WDFY4: variants seen among roughly 807,000 people sequenced by gnomAD.
WDFY4 encodes the protein WDFY family member 4, also known as WD repeat- and FYVE domain-containing protein 4.
Under a neutral mutation model 351.9 loss-of-function variants are expected in WDFY4, and 169 were observed. That is an observed-to-expected ratio of 0.48 (90% confidence interval 0.42 to 0.55). WDFY4 has a LOEUF of 0.55. Among genes scored for constraint, WDFY4 ranks in the 20% least tolerant of loss-of-function variants. WDFY4 has a pLI of 0.00. For missense variants in WDFY4, 3,803 were observed against 3,935.6 expected (o/e 0.97, Z 0.90); for synonymous variants, 1,622 against 1,574.6 (o/e 1.03, Z -0.71).
rs530076119 is a variant in WDFY4 at position 48,828,581 on chromosome 10, A to G, written c.6222-197A>G. On this transcript the variant is annotated intron_variant, in intron 36 of 61. Transcript: ENST00000325239. ...CTCATAAGGAGAAAGTGTTTCTCCT[A>G]CTATTCAGAATGCCACTCTAAAATA... 2.0e-5 allele frequency among the ~76,000 whole-genome samples: 3 copies of G among 152,330 alleles called. No individual in the cohort carries two copies. The South Asian group carries it at 6.2e-4, about 32-fold the overall frequency.
At chr10:48,777,357 G>A (rs1214528151) in intron 16 of WDFY4, 62 bp from the exon 17 acceptor site, 2 of 1,426,132 alleles carry the variant, frequency 1.4e-6, no homozygotes, top group African/African-American at 1.4e-5. Flanking sequence ...GCCCAGACTA[G>A]CTGTGTCAGT....
At chr10:48,898,913 C>T (rs879497203) in intron 45 of WDFY4, among the ~76,000 whole-genome samples, 2 of 152,138 alleles carry the variant, frequency 1.3e-5, no homozygotes, top group East Asian at 1.9e-4. Flanking sequence ...GGTTTCCTTG[C>T]CCTTCAGTGA....
intron 60 of WDFY4, among the ~76,000 whole-genome samples, chr10:48,979,181 C>G (rs893900633): frequency 6.6e-6 from 1 of 152,176 alleles, no homozygotes; most frequent in African/African-American, 2.4e-5. Flanking sequence ...AATAATATCA[C>G]AAAGATGCAG....
intron 43 of WDFY4, among the ~76,000 whole-genome samples, chr10:48,890,026 T>C: frequency 6.6e-6 from 1 of 152,316 alleles, no homozygotes; most frequent in South Asian, 2.1e-4. Flanking sequence ...GGGGAAATGC[T>C]CACCTCGGTC....
chr10:48,871,469 C>G (rs2069776987), intron 40 of WDFY4, among the ~76,000 whole-genome samples: 1 of 151,612 alleles, frequency 6.6e-6, no homozygotes, highest in Non-Finnish European at 1.5e-5. Context: ...CTGGTGGCCC[C>G]CCCCTTTTTT....
intron 2 of WDFY4, 115 bp from the exon 3 acceptor site, chr10:48,719,896 C>A: frequency 1.1e-6 from 1 of 924,094 alleles, no homozygotes; most frequent in Non-Finnish European, 1.7e-6. Context: ...TTGCATGCAC[C>A]TGGGAAAGGA....
At chr10:48,898,623 G>A (rs1348991131) in intron 45 of WDFY4, among the ~76,000 whole-genome samples, 1 of 152,162 alleles carries the variant, frequency 6.6e-6, no homozygotes, top group Non-Finnish European at 1.5e-5. Flanking sequence ...CCTTTAAGGT[G>A]GGGGAATTCC....
chr10:48,873,888 C>T (rs953301248), intron 41 of WDFY4, among the ~76,000 whole-genome samples, 191 bp downstream of exon 41: 18 of 152,152 alleles, frequency 1.2e-4, no homozygotes, highest in Non-Finnish European at 1.5e-4. Flanking sequence ...CTCCTAGGTA[C>T]ATAGCAGGGA....
chr10:48,811,455 G>A (rs547129540), intron 29 of WDFY4, 84 bp from the exon 30 acceptor site: 49 of 1,231,496 alleles, frequency 4.0e-5, no homozygotes, highest in African/African-American at 3.0e-4. Flanking sequence ...GTGGGTGGCC[G>A]GGTGTTCCTT....
chr10:48,871,781 G>A (rs530483888), intron 40 of WDFY4, among the ~76,000 whole-genome samples: 1 of 152,138 alleles, frequency 6.6e-6, no homozygotes, highest in Non-Finnish European at 1.5e-5. Flanking sequence ...ACATCTTGGA[G>A]TTTCTTATTA....
intron 47 of WDFY4, chr10:48,910,032 A>G: frequency 1.8e-6 from 1 of 560,228 alleles, no homozygotes; most frequent in Non-Finnish European, 3.2e-6. Context: ...AATATTTCCC[A>G]AAGTCATTTT....
At chr10:48,725,793 G>T in intron 5 of WDFY4, 88 bp from the exon 6 acceptor site, 1 of 1,303,396 alleles carries the variant, frequency 7.7e-7, no homozygotes, top group Non-Finnish European at 1.0e-6. Flanking sequence ...ATGCTCATCA[G>T]TGCTCCAGAG....
At chr10:48,708,991 A>C (rs552775319) in intron 1 of WDFY4, among the ~76,000 whole-genome samples, 123 of 146,038 alleles carry the variant, frequency 8.4e-4, no homozygotes, top group East Asian at 1.7e-3. Context: ...AAGTGAAAAA[A>C]AAACAAACAA....
At chr10:48,804,593 A>T in intron 25 of WDFY4, 1 of 272,080 alleles carries the variant, frequency 3.7e-6, no homozygotes, top group Non-Finnish European at 5.6e-6. Context: ...GACAGTTCAA[A>T]GTGAGGAATC....
intron 1 of WDFY4, among the ~76,000 whole-genome samples, chr10:48,695,221 G>A (rs748911442): frequency 6.6e-6 from 1 of 152,204 alleles, no homozygotes; most frequent in Non-Finnish European, 1.5e-5. Context: ...TTTTCTCTGG[G>A]GCAACAGTGC....
chr10:48,781,195 C>CA (rs1170353558), intron 19 of WDFY4, among the ~76,000 whole-genome samples: 1 of 150,044 alleles, frequency 6.7e-6, no homozygotes, highest in African/African-American at 2.5e-5. Context: ...GTTCTGTTAT[C>CA]AAAAAAAGGC....
At chr10:48,752,285 G>A (rs1249753398) in intron 12 of WDFY4, among the ~76,000 whole-genome samples, 5 of 152,134 alleles carry the variant, frequency 3.3e-5, no homozygotes, top group African/African-American at 1.2e-4. Flanking sequence ...TGAAATTTAG[G>A]GTTCTGTTTT....
intron 43 of WDFY4, among the ~76,000 whole-genome samples, chr10:48,881,916 C>T (rs1490933426): frequency 1.3e-5 from 2 of 152,222 alleles, no homozygotes; most frequent in Non-Finnish European, 2.9e-5. Context: ...GGATCCATCC[C>T]CTGGGCCTAC....
intron 47 of WDFY4, among the ~76,000 whole-genome samples, chr10:48,929,228 A>G (rs1839838182): frequency 6.6e-6 from 1 of 151,748 alleles, no homozygotes; most frequent in African/African-American, 2.4e-5. Flanking sequence ...GAGGAAGGAG[A>G]GAAGGAGGAC....
Sources: gnomAD v4.1 joint callset for allele counts (sites outside exome capture counted in the v4.1 genomes callset) on GRCh38, gnomAD v4.1.1 for gene constraint, MANE v1.5 for transcripts, NCBI Gene and HGNC (gene_info 2026-07-23, HGNC 2026-07-21) for gene names.